The following NCKAP1 variants were observed in gnomAD, a reference collection of about 807,000 sequenced individuals.
NCKAP1 encodes NCK associated protein 1.
NCKAP1 carries 21 observed loss-of-function variants against 151.2 expected under a neutral mutation model. That is an observed-to-expected ratio of 0.14 (90% CI 0.10 to 0.20). The LOEUF is 0.20. Among genes scored for constraint, NCKAP1 ranks in the 10% least tolerant of loss-of-function variants. The pLI is 1.00. For synonymous variants in NCKAP1, 484 were observed against 451.8 expected (o/e 1.07, Z -0.90); for missense variants, 933 against 1,352.1 (o/e 0.69, Z 4.86).
rs145158646 is a variant in NCKAP1, at chr2:182,945,223, G to A, written c.2602-3060C>T. ...GCACTCCAGCCTGGGTGACAAGAGC[G>A]AGACTGTCTCAAAAAATAAAAAACA... On this transcript the variant is annotated intron_variant, in intron 23 of 30. Transcript: ENST00000361354. Among the ~76,000 whole-genome samples, 26 of 145,586 alleles carry A rather than the reference G, an allele frequency of 1.8e-4. No homozygotes were observed. In the East Asian group the frequency reaches 4.5e-3, roughly 25 times the overall value.
intron 25 of NCKAP1, 38 bp downstream of exon 25, chr2:182,935,254 TG>T: frequency 7.7e-7 from 1 of 1,296,792 alleles, no homozygotes; most frequent in South Asian, 1.4e-5. Flanking sequence ...TAAAAGGGAT[TG>T]TTTGGATACC....
chr2:183,022,963 G>A (rs566551123), intron 2 of NCKAP1: 31 of 152,218 alleles, frequency 2.0e-4, no homozygotes, highest in African/African-American at 6.5e-4. Flanking sequence ...CACTATTTTT[G>A]GACCAGCTGA....
At chr2:182,969,243 C>T (rs1196763881) in intron 15 of NCKAP1, among the ~76,000 whole-genome samples, 1 of 152,134 alleles carries the variant, frequency 6.6e-6, no homozygotes, top group Non-Finnish European at 1.5e-5. Flanking sequence ...AAATTGAAAT[C>T]ATATCAAGTA....
intron 15 of NCKAP1, among the ~76,000 whole-genome samples, chr2:182,974,136 C>A (rs1393448884): frequency 6.6e-6 from 1 of 151,800 alleles, no homozygotes; most frequent in Non-Finnish European, 1.5e-5. Flanking sequence ...CTATGTAAAC[C>A]TTCTAGATTC....
chr2:182,963,621 T>C (rs1697500752), intron 17 of NCKAP1, among the ~76,000 whole-genome samples: 1 of 152,078 alleles, frequency 6.6e-6, no homozygotes, highest in Non-Finnish European at 1.5e-5. Context: ...AAATCTGAAC[T>C]GTAATAATGA....
rs1184998419 is a variant in NCKAP1, at chr2:182,962,260, G to A, written c.1780C>T (p.Arg594Cys). The A allele has an allele frequency of 2.5e-6, 4 of 1,607,814 alleles. No individual in the cohort carries two copies. The highest frequency in any genetic ancestry group is 2.6e-6 in the Non-Finnish European group (3 of 1,175,234). Residue 594 changes from arginine (R) to cysteine (C), a missense_variant, in exon 18 of 31, where the codon CGC becomes TGC. By Grantham distance (180) the Arg-to-Cys change is radical. Around this residue, in one of 2 missense-constraint regions of NCKAP1, gnomAD observed 607 missense variants for 795.0 expected, o/e 0.76. Transcript: ENST00000361354. ...AACATATTACATAAGGAAAGACTGC[G>A]ATCTCCAATATGATGTCGCTGTGAA... The part of the protein sequence containing the change: ...CPEERHHIGD[R>C]SLSLCNMFLD...
intron 10 of NCKAP1, among the ~76,000 whole-genome samples, chr2:182,985,693 C>T (rs1001318437): frequency 2.0e-5 from 3 of 151,024 alleles, no homozygotes; most frequent in African/African-American, 4.9e-5. Flanking sequence ...ATCCCAGTGA[C>T]GCAGGAGGCT....
chr2:183,025,358 C>T (rs1698875830), intron 1 of NCKAP1, among the ~76,000 whole-genome samples: 1 of 152,010 alleles, frequency 6.6e-6, no homozygotes, highest in Non-Finnish European at 1.5e-5. Context: ...TAAAAAGAAA[C>T]GGTAGCCGAG....
At chr2:182,931,234 T>A in intron 26 of NCKAP1, among the ~76,000 whole-genome samples, 1 of 152,140 alleles carries the variant, frequency 6.6e-6, no homozygotes, top group Admixed American at 6.6e-5. Flanking sequence ...CTTATAATAG[T>A]TTTTTTAAGG....
intron 13 of NCKAP1, among the ~76,000 whole-genome samples, chr2:182,980,282 TTGTAACAGCA>T (rs1273469270): frequency 1.3e-5 from 2 of 151,992 alleles, no homozygotes; most frequent in African/African-American, 2.4e-5. Flanking sequence ...GAATACTAGC[TTGTAACAGCA>T]TGTAACTCAA....
chr2:183,025,023 G>A (rs958800283), intron 1 of NCKAP1: 2 of 1,607,030 alleles, frequency 1.2e-6, no homozygotes, highest in African/African-American at 1.3e-5. Context: ...TAAAAAGAGA[G>A]AAAATTACGT....
chr2:182,913,531 A>G lies in NCKAP1; in HGVS notation c.*12171T>C, dbSNP rs541644365. On this transcript the variant is annotated 3_prime_UTR_variant, in exon 31 of 31. Transcript: ENST00000361354. The stretch of plus-strand genomic sequence containing the variant: ...ATGCTCTGTGTTACCTCAGGACTCT[A>G]CAGAGACCCCACTAGCAAGAAGGCC... The G allele has an allele frequency of 1.9e-4, 29 of 153,630 alleles. No homozygotes were observed. The East Asian group carries it at 4.7e-3, about 25-fold the overall frequency. The allele number at this position is 153,630 out of a possible 1,614,324, so 9.5% of individuals were successfully genotyped here. A position where few individuals can be genotyped will look rare whatever the true frequency, so the allele number is the denominator to read the frequency against.
chr2:182,976,983 A>T (rs375847635), intron 14 of NCKAP1, 32 bp from the exon 15 acceptor site: 5 of 1,381,504 alleles, frequency 3.6e-6, no homozygotes, highest in Non-Finnish European at 4.9e-6. Flanking sequence ...AAAGATTACA[A>T]AGCAAATTAA....
chr2:182,923,756 G>T lies in NCKAP1; in HGVS notation c.*1946C>A, dbSNP rs1017902272. On this transcript the variant is annotated 3_prime_UTR_variant, in exon 31 of 31. Transcript: ENST00000361354. ...GTTTAGAAGAAAATAAAACAAACAA[G>T]ATATTAAAAATAGTAGTTGTCAATT... The T allele has an allele frequency of 6.6e-6, 1 of 152,102 alleles. No homozygotes were observed. The allele number at this position is 152,102 out of a possible 1,614,324, so 9.4% of individuals were successfully genotyped here.
At chr2:182,979,559 T>C (rs953108913) in intron 13 of NCKAP1, among the ~76,000 whole-genome samples, 2 of 152,114 alleles carry the variant, frequency 1.3e-5, no homozygotes, top group African/African-American at 2.4e-5. Context: ...AACTTTATGA[T>C]GCGAGTGAAC....
intron 18 of NCKAP1, among the ~76,000 whole-genome samples, chr2:182,960,832 A>G (rs1181774026): frequency 6.6e-6 from 1 of 152,214 alleles, no homozygotes; most frequent in East Asian, 1.9e-4. Context: ...CAATCTACTC[A>G]TCTGACAAAG....
intron 17 of NCKAP1, among the ~76,000 whole-genome samples, chr2:182,963,593 A>G (rs528563618): frequency 9.2e-5 from 14 of 152,266 alleles, no homozygotes; most frequent in Middle Eastern, 6.8e-3. Context: ...CATTTAGAGT[A>G]CATATGAAGA....
chr2:182,987,586 C>T (rs903252731), intron 9 of NCKAP1, among the ~76,000 whole-genome samples: 2 of 152,162 alleles, frequency 1.3e-5, no homozygotes, highest in African/African-American at 2.4e-5. Context: ...CATAAGTTCA[C>T]TCAATATACA....
chr2:182,930,646 C>T, intron 27 of NCKAP1, 49 bp downstream of exon 27: 1 of 1,417,070 alleles, frequency 7.1e-7, no homozygotes, highest in Non-Finnish European at 1.0e-6. Context: ...ACCTATGCTG[C>T]CCTGGTAACT....
Sources: allele counts gnomAD v4.1 joint callset (sites outside exome capture counted in the v4.1 genomes callset), GRCh38; gene constraint gnomAD v4.1.1; regional missense constraint gnomAD v4.1.1; transcripts MANE v1.5; gene names NCBI Gene and HGNC (gene_info 2026-07-23, HGNC 2026-07-21).